FDXR: variants seen among roughly 807,000 people sequenced by gnomAD.
The protein encoded by FDXR is ferredoxin reductase, also known as NADPH:adrenodoxin oxidoreductase, mitochondrial.
Under a neutral mutation model 58.3 loss-of-function variants are expected in FDXR, and 38 were observed. The observed-to-expected ratio is 0.65, with a 90% CI of 0.50 to 0.85. The LOEUF is 0.85. Ranked by LOEUF, FDXR falls within the 40% of genes least tolerant of loss-of-function variation. The probability of loss-of-function intolerance (pLI) is 0.00; values close to 1 mark genes in which losing one functional copy is unlikely to be tolerated. For synonymous variants in FDXR, 275 were observed against 273.8 expected (o/e 1.00, Z -0.04); for missense variants, 624 against 671.0 (o/e 0.93, Z 0.77).
intron 3 of FDXR, 59 bp downstream of exon 3, chr17:74,866,725 G>A (rs1385083740): frequency 6.3e-7 from 1 of 1,599,150 alleles, no homozygotes; most frequent in Non-Finnish European, 8.6e-7. Context: ...GAGCCTCCCT[G>A]CCCTCCTCAT....
chr17:74,866,652 TC>T (rs536198532), intron 3 of FDXR, 84 bp from the exon 4 acceptor site: 164 of 1,600,636 alleles, frequency 1.0e-4, no homozygotes, highest in Admixed American at 1.3e-4. Context: ...CCACTCTGTG[TC>T]CCCAGGAGGG....
intron 5 of FDXR, 51 bp downstream of exon 5, chr17:74,866,080 A>G (rs1302331610): frequency 1.5e-6 from 2 of 1,370,746 alleles, no homozygotes; most frequent in Non-Finnish European, 1.0e-6. Context: ...CTGGCATCCA[A>G]GGGCTGAGGG....
At chr17:74,872,619 C>T in intron 1 of FDXR, 1 of 823,784 alleles carries the variant, frequency 1.2e-6, no homozygotes, top group South Asian at 1.8e-5. Context: ...TTCACCCCGT[C>T]TCACACCTGT....
intron 2 of FDXR, 72 bp downstream of exon 2, chr17:74,871,964 C>G: frequency 7.9e-7 from 1 of 1,260,118 alleles, no homozygotes; most frequent in Non-Finnish European, 1.1e-6. Context: ...GCTCTTAAAA[C>G]CCAAAGCGGG....
rs1598531791 is a variant in FDXR at position 74,868,473 on chromosome 17, T to A, written c.178-1597A>T. The stretch of plus-strand genomic sequence containing the variant: ...ATGTCACTGCCTTGCTCAAAAATCT[T>A]CGCTGGGGCCCAGTGCCACAGCATA... On this transcript the variant is annotated intron_variant, in intron 2 of 11. Transcript: ENST00000293195. 3 of 974,824 alleles carry A rather than the reference T, an allele frequency of 3.1e-6. No homozygotes were observed. The East Asian group carries it at 7.8e-5, about 25-fold the overall frequency. The allele number at this position is 974,824 out of a possible 1,614,324, so 60.4% of individuals were successfully genotyped here.
At position 74,865,704 on chromosome 17, in the gene FDXR, T is replaced by A; in HGVS notation, c.609+15A>T. Reference sequence around the variant, plus strand: ...ACCCCACCTCCAACCCCGCCAGCCCTGACCTACCACTCACCTCCAGGTGCT... The same window carrying A: ...ACCCCACCTCCAACCCCGCCAGCCCAGACCTACCACTCACCTCCAGGTGCT... On this transcript the variant is annotated intron_variant, in intron 6 of 11. Transcript: ENST00000293195. The A allele has an allele frequency of 2.5e-6, 4 of 1,593,192 alleles. No individual in the cohort carries two copies. Among genetic ancestry groups the A allele is most frequent in the Non-Finnish European group, 3.4e-6 (4 of 1,168,898 alleles).
Position 74,862,535 on chromosome 17 carries a change from C to T in FDXR, c.*282G>A, listed in dbSNP as rs1387320817. On this transcript the variant is annotated 3_prime_UTR_variant, in exon 12 of 12. Coordinates refer to ENST00000293195, the MANE Select transcript of FDXR (RefSeq NM_024417.5). ...TGTTTTATTTCCAGCATGTTCCCAACCTGGTGACCCTCCACAGTCCAGCAG... is the reference window on the plus strand; with the variant it reads ...TGTTTTATTTCCAGCATGTTCCCAATCTGGTGACCCTCCACAGTCCAGCAG... 5.4e-6 allele frequency: 2 copies of T among 367,684 alleles called. No individual in the cohort carries two copies. The highest frequency in any genetic ancestry group is 9.7e-6 in the Non-Finnish European group (2 of 205,168). The allele number at this position is 367,684 out of a possible 1,614,324, so 22.8% of individuals were successfully genotyped here. A position where few individuals can be genotyped will look rare whatever the true frequency, so the allele number is the denominator to read the frequency against.
In FDXR at chr17:74,862,966, T is replaced by A. The variant is rs764870662; in HGVS notation, c.1346-19A>T. The A allele has an allele frequency of 1.2e-6, 2 of 1,608,268 alleles. No individual in the cohort carries two copies. Among genetic ancestry groups the A allele is most frequent in the Non-Finnish European group, 1.7e-6 (2 of 1,179,494 alleles). ...CGGACCCCTGAAGCAGAGGGGAGAT[T>A]GTCAACACCTCCTCCTTCACCCCTC... On this transcript the variant is annotated intron_variant, in intron 11 of 11. Transcript: ENST00000293195.
Position 74,866,495 on chromosome 17 carries a change from C to T in FDXR, c.344G>A (p.Arg115Lys), listed in dbSNP as rs2038190077. Residue 115 changes from arginine (R) to lysine (K), a missense_variant, in exon 4 of 12, where the codon AGG (arginine) becomes AAG (lysine). Coordinates refer to ENST00000293195, the MANE Select transcript of FDXR (RefSeq NM_024417.5). ...CTGCAGCTCCGGCACCGTCACGTCC[C>T]TGCCCACCTCCACGTTGCCCCAGAA... ...CAFWGNVEVG[R>K]DVTVPELQEA... is the part of the protein sequence containing the mutation. 1 of 1,613,662 alleles carries T rather than the reference C, an allele frequency of 6.2e-7. No homozygotes were observed. Among genetic ancestry groups the T allele is most frequent in the South Asian group, 1.1e-5 (1 of 91,070 alleles).
intron 2 of FDXR, chr17:74,868,709 C>G: frequency 2.6e-6 from 4 of 1,525,858 alleles, no homozygotes; most frequent in Non-Finnish European, 3.5e-6. Flanking sequence ...TTCCTTCCCT[C>G]CCTCCTGTCC....
chr17:74,866,746 G>C (rs975680188), intron 3 of FDXR, 38 bp downstream of exon 3: 2 of 1,610,742 alleles, frequency 1.2e-6, no homozygotes, highest in African/African-American at 1.3e-5. Context: ...CTTGACCAAA[G>C]TCTCCAAACC....
Position 74,862,842 on chromosome 17 carries a change from T to C in FDXR, c.1451A>G (p.Glu484Gly). The C allele has an allele frequency of 6.2e-7, 1 of 1,612,286 alleles. No homozygotes were observed. Among genetic ancestry groups the C allele is most frequent in the Non-Finnish European group, 8.5e-7 (1 of 1,179,910 alleles). ...TCAGTGGCCCAGGAGGCGCAGCATC[T>C]CCTGAGGATCCACCAGCTTCTCCCT... ...KPREKLVDPQ[E>G]MLRLLGH Residue 484 changes from glutamate (E) to glycine (G), a missense_variant, in exon 12 of 12, where the codon GAG (glutamate) becomes GGG (glycine). Physicochemically the swap from Glu to Gly is moderately conservative, Grantham distance 98. Transcript: ENST00000293195.
In FDXR at chr17:74,862,952, A is replaced by T; in HGVS notation, c.1346-5T>A. ...AGAAAGAGACTGGCCGGACCCCTGAAGCAGAGGGGAGATTGTCAACACCTC... is the reference window on the plus strand; with the variant it reads ...AGAAAGAGACTGGCCGGACCCCTGATGCAGAGGGGAGATTGTCAACACCTC... On this transcript the variant is annotated splice_polypyrimidine_tract_variant and splice_region_variant and intron_variant, in intron 11 of 11. Coordinates refer to ENST00000293195, the MANE Select transcript of FDXR (RefSeq NM_024417.5). 1 of 1,610,894 alleles carries T rather than the reference A, an allele frequency of 6.2e-7. No homozygotes were observed. Among genetic ancestry groups the T allele is most frequent in the South Asian group, 1.1e-5 (1 of 91,088 alleles).
chr17:74,867,293 C>T (rs1192671688), intron 2 of FDXR, among the ~76,000 whole-genome samples: 1 of 101,402 alleles, frequency 9.9e-6, no homozygotes, highest in Non-Finnish European at 1.8e-5. Context: ...GGTGACAGAG[C>T]AAGACTCTGT....
Position 74,863,143 on chromosome 17 carries a change from C to T in FDXR, c.1278G>A (p.Lys426=). ...LTGQMLLQDL[K]AGLLPSGPRP... ...TGGGGCCAGAGGGGAGCAACCCAGC[C>T]TTCAGGTCCTGCAGCAGCATCTGGC... Residue 426 remains lysine, a synonymous_variant, in exon 11 of 12, where the codon AAG becomes AAA. Coordinates refer to ENST00000293195, the MANE Select transcript of FDXR (RefSeq NM_024417.5). The T allele has an allele frequency of 1.2e-6, 2 of 1,613,720 alleles. No homozygotes were observed. The highest frequency in any genetic ancestry group is 2.2e-5 in the East Asian group (1 of 44,898).
At chr17:74,866,661 G>A (rs2038197118) in intron 3 of FDXR, 93 bp from the exon 4 acceptor site, 11 of 1,596,550 alleles carry the variant, frequency 6.9e-6, no homozygotes, top group Non-Finnish European at 8.6e-6. Context: ...GTCCCCAGGA[G>A]GGAAGCTGGG....
intron 8 of FDXR, 37 bp from the exon 9 acceptor site, chr17:74,864,384 G>A: frequency 1.3e-6 from 2 of 1,591,692 alleles, no homozygotes; most frequent in Non-Finnish European, 1.7e-6. Context: ...GCTGTCCCTG[G>A]GCCCCGGCCC....
chr17:74,863,064 C>G lies in FDXR; in HGVS notation c.1345+12G>C. ...ACCCCACCTCCCAGGACCTCAGCAT[C>G]GGGGCCCAGACCTCGGCTGCTGAGC... On this transcript the variant is annotated intron_variant, in intron 11 of 11. Coordinates refer to ENST00000293195, the MANE Select transcript of FDXR (RefSeq NM_024417.5). The G allele has an allele frequency of 6.2e-7, 1 of 1,608,706 alleles. No homozygotes were observed. Among genetic ancestry groups the G allele is most frequent in the Non-Finnish European group, 8.5e-7 (1 of 1,177,356 alleles).
chr17:74,868,772 C>A, intron 2 of FDXR: 10 of 1,472,990 alleles, frequency 6.8e-6, no homozygotes, highest in Non-Finnish European at 9.0e-6. Flanking sequence ...TCCGATTGGC[C>A]CCCCTCCCTC....
Sources: allele counts gnomAD v4.1 joint callset (sites outside exome capture counted in the v4.1 genomes callset), GRCh38; gene constraint gnomAD v4.1.1; transcripts MANE v1.5; gene names NCBI Gene and HGNC (gene_info 2026-07-23, HGNC 2026-07-21).